The following MKLN1 variants were observed in gnomAD, a reference collection of about 807,000 sequenced individuals.
The protein encoded by MKLN1 is muskelin.
MKLN1 carries 18 observed loss-of-function variants against 99.0 expected under a neutral mutation model. That is an observed-to-expected ratio of 0.18 (90% confidence interval 0.13 to 0.27). The LOEUF is 0.27. Among genes scored for constraint, MKLN1 ranks in the 10% least tolerant of loss-of-function variants. MKLN1 has a pLI of 1.00. For missense variants in MKLN1, 621 were observed against 875.9 expected (o/e 0.71, Z 3.67); for synonymous variants, 288 against 293.2 (o/e 0.98, Z 0.18).
intron 1 of MKLN1, among the ~76,000 whole-genome samples, chr7:131,340,170 C>T (rs1317235076): frequency 6.6e-6 from 1 of 152,032 alleles, no homozygotes. Context: ...GGAAATCCTG[C>T]CTGACCCCCC....
At chr7:131,318,804 A>G (rs1411765752) in intron 3 of MKLN1, among the ~76,000 whole-genome samples, 1 of 152,240 alleles carries the variant, frequency 6.6e-6, no homozygotes, top group African/African-American at 2.4e-5. Context: ...CCATCAGAGA[A>G]TACTATAAAC....
intron 3 of MKLN1, among the ~76,000 whole-genome samples, chr7:131,297,234 G>A (rs764676788): frequency 5.9e-5 from 9 of 151,922 alleles, no homozygotes; most frequent in Non-Finnish European, 7.4e-5. Flanking sequence ...GGTGGCGTGC[G>A]CCTGTAGTTC....
In MKLN1 at chr7:131,445,030, AAACT is replaced by A. The variant is rs780844286; in HGVS notation, c.1396-740_1396-737del. On this transcript the variant is annotated intron_variant, in intron 11 of 17. Transcript: ENST00000352689. ...TCTATAATAGCTTTCACAGTAAAGA[AAACT>A]AACAACAGAATCACTGAGTGCTGTT... 6.0e-4 allele frequency among the ~76,000 whole-genome samples: 92 copies of A among 152,242 alleles called. 1 individual carries two copies. Among genetic ancestry groups the A allele is most frequent in the Admixed American group, 2.2e-3 (33 of 15,288 alleles).
chr7:131,214,001 C>G (rs1192676018), intron 3 of MKLN1, among the ~76,000 whole-genome samples: 1 of 151,884 alleles, frequency 6.6e-6, no homozygotes, highest in East Asian at 1.9e-4. Context: ...TCTTCCCTAC[C>G]CCAAAGGTGT....
chr7:131,290,994 T>C (rs1443153895), intron 3 of MKLN1, among the ~76,000 whole-genome samples: 2 of 152,142 alleles, frequency 1.3e-5, no homozygotes, highest in Non-Finnish European at 2.9e-5. Context: ...ATCACCATGG[T>C]ACAGATAAAC....
chr7:131,269,727 A>G (rs1357536301), intron 3 of MKLN1, among the ~76,000 whole-genome samples: 2 of 152,170 alleles, frequency 1.3e-5, no homozygotes, highest in Non-Finnish European at 2.9e-5. Context: ...CAGCTATTTT[A>G]GAGACATCCA....
At chr7:131,174,182 C>G (rs997248829) in intron 2 of MKLN1, among the ~76,000 whole-genome samples, 1 of 152,106 alleles carries the variant, frequency 6.6e-6, no homozygotes. Context: ...CTGTGTTAAC[C>G]AAGATGGTCT....
At chr7:131,358,750 G>C (rs979134710) in intron 1 of MKLN1, among the ~76,000 whole-genome samples, 3 of 151,968 alleles carry the variant, frequency 2.0e-5, no homozygotes. Flanking sequence ...CTCGACTTTT[G>C]GTAGTTTGTA....
chr7:131,269,802 G>C (rs1265482219), intron 3 of MKLN1, among the ~76,000 whole-genome samples: 15 of 152,190 alleles, frequency 9.9e-5, no homozygotes, highest in Non-Finnish European at 2.1e-4. Context: ...AATAATGTTT[G>C]TTATCATCTC....
chr7:131,270,961 T>C (rs987404658), intron 3 of MKLN1, among the ~76,000 whole-genome samples: 3 of 152,126 alleles, frequency 2.0e-5, no homozygotes, highest in African/African-American at 7.2e-5. Flanking sequence ...ACTATTTAAT[T>C]CAATTATTTA....
intron 1 of MKLN1, 93 bp from the exon 2 acceptor site, chr7:131,375,331 A>G (rs1584668055): frequency 1.3e-6 from 1 of 794,352 alleles, no homozygotes; most frequent in Admixed American, 1.9e-5. Flanking sequence ...TCCAAACATT[A>G]CATAACTTTA....
intron 1 of MKLN1, among the ~76,000 whole-genome samples, chr7:131,141,019 C>G (rs1419635865): frequency 6.6e-6 from 1 of 152,144 alleles, no homozygotes; most frequent in Non-Finnish European, 1.5e-5. Context: ...CTCCTGATCT[C>G]GTGATCCACC....
chr7:131,488,566 ATATCT>A lies in MKLN1; in HGVS notation c.*841_*845del, dbSNP rs1797347007. The stretch of plus-strand genomic sequence containing the variant: ...AGCAGGAGGGATCTAGTAGTGAATA[ATATCT>A]TAATAGCAATTTTAGGAGAAAATGA... On this transcript the variant is annotated 3_prime_UTR_variant, in exon 18 of 18. Transcript: ENST00000352689. 6.6e-6 allele frequency: 1 copy of A among 152,518 alleles called. No homozygotes were observed. The highest frequency in any genetic ancestry group is 6.6e-5 in the Admixed American group (1 of 15,248). The allele number at this position is 152,518 out of a possible 1,614,324, so 9.4% of individuals were successfully genotyped here. A position where few individuals can be genotyped will look rare whatever the true frequency, so the allele number is the denominator to read the frequency against.
rs1167514390 is a variant in MKLN1 at position 131,496,423 on chromosome 7, C to CTACA, written c.*8696_*8697insACAT. The CTACA allele has an allele frequency of 6.6e-6, 1 of 151,968 alleles. No individual in the cohort carries two copies. The allele number at this position is 151,968 out of a possible 1,614,324, so 9.4% of individuals were successfully genotyped here. ...ATCTCTGGCTTATCTTTTATCCAAT[C>CTACA]TGTATGGACTTTTTAGGATTTTTTT... On this transcript the variant is annotated 3_prime_UTR_variant, in exon 18 of 18. Transcript: ENST00000352689.
At chr7:131,443,726 T>C (rs1795912087) in intron 11 of MKLN1, 24 bp downstream of exon 11, 1 of 1,481,854 alleles carries the variant, frequency 6.7e-7, no homozygotes, top group South Asian at 1.1e-5. Context: ...GTACATTGCG[T>C]AAATGTTATT....
intron 1 of MKLN1, among the ~76,000 whole-genome samples, chr7:131,142,651 C>T (rs953974107): frequency 2.2e-4 from 34 of 151,752 alleles, no homozygotes; most frequent in Admixed American, 7.9e-4. Flanking sequence ...AGGAGAATGG[C>T]GTGAACCCGG....
At chr7:131,316,752 G>C (rs1217942205) in intron 3 of MKLN1, among the ~76,000 whole-genome samples, 1 of 152,168 alleles carries the variant, frequency 6.6e-6, no homozygotes, top group Non-Finnish European at 1.5e-5. Context: ...CCAGTTTAGA[G>C]AGGAACATAA....
At chr7:131,203,538 G>A (rs963128932) in intron 3 of MKLN1, among the ~76,000 whole-genome samples, 1 of 152,162 alleles carries the variant, frequency 6.6e-6, no homozygotes, top group African/African-American at 2.4e-5. Context: ...TTCCACATTT[G>A]GGAAAACATG....
At chr7:131,378,751 AC>A (rs1563319635) in intron 2 of MKLN1, among the ~76,000 whole-genome samples, 1 of 151,886 alleles carries the variant, frequency 6.6e-6, no homozygotes, top group Non-Finnish European at 1.5e-5. Context: ...GATTGCTTGA[AC>A]CCAGGAGGTC....
Sources: gnomAD v4.1 joint callset for allele counts (sites outside exome capture counted in the v4.1 genomes callset) on GRCh38, gnomAD v4.1.1 for gene constraint, MANE v1.5 for transcripts, NCBI Gene and HGNC (gene_info 2026-07-23, HGNC 2026-07-21) for gene names.